ZNF385B: variants seen among roughly 807,000 people sequenced by gnomAD.
ZNF385B encodes zinc finger protein 533.
A neutral mutation model predicts 39.2 loss-of-function variants in ZNF385B; 23 were observed. The ratio of observed to expected loss-of-function variants is 0.59; its 90% CI spans 0.42 to 0.83. The LOEUF is 0.83. Among genes scored for constraint, ZNF385B ranks in the 40% least tolerant of loss-of-function variants. ZNF385B has a pLI of 0.00. For missense variants in ZNF385B, 552 were observed against 598.9 expected (o/e 0.92, Z 0.82); for synonymous variants, 205 against 222.6 (o/e 0.92, Z 0.70).
At chr2:179,630,726 T>G (rs1033191959) in intron 3 of ZNF385B, among the ~76,000 whole-genome samples, 3 of 152,160 alleles carry the variant, frequency 2.0e-5, no homozygotes, top group Admixed American at 6.5e-5. Context: ...TTCTCCGAGC[T>G]AAAGGAGGGT....
rs2060258980 is a variant in ZNF385B, at chr2:179,546,754, T to C, written c.299-1785A>G. ...GGTATATACCCACCTAGCAGTGGGA[T>C]TGTTGGGTCATATGGTAGCCCAACT... On this transcript the variant is annotated intron_variant, in intron 3 of 9. Coordinates refer to ENST00000410066, the MANE Select transcript of ZNF385B (RefSeq NM_152520.6). Among the ~76,000 whole-genome samples, 2 of 133,530 alleles carry C rather than the reference T, an allele frequency of 1.5e-5. 1 individual carries two copies. Among genetic ancestry groups the C allele is most frequent in the South Asian group, 4.9e-4 (2 of 4,078 alleles). 87.6% of individuals were successfully genotyped at this position (133,530 alleles called of 152,430 possible).
intron 1 of ZNF385B, among the ~76,000 whole-genome samples, chr2:179,806,127 C>CA (rs1483814676): frequency 6.6e-6 from 1 of 151,950 alleles, no homozygotes; most frequent in Non-Finnish European, 1.5e-5. Context: ...ATGCCATAAA[C>CA]AATGTTAAAA....
intron 1 of ZNF385B, among the ~76,000 whole-genome samples, chr2:179,820,509 T>C (rs1707338811): frequency 6.6e-6 from 1 of 152,016 alleles, no homozygotes; most frequent in African/African-American, 2.4e-5. Flanking sequence ...CTTAACATAC[T>C]CTTATCTGCC....
chr2:179,623,067 A>G (rs1019807449), intron 3 of ZNF385B, among the ~76,000 whole-genome samples: 6 of 152,220 alleles, frequency 3.9e-5, no homozygotes, highest in African/African-American at 1.2e-4. Context: ...CTTGGCGCTA[A>G]GAAGTTGTGA....
At chr2:179,671,439 T>C (rs1490162365) in intron 3 of ZNF385B, among the ~76,000 whole-genome samples, 1 of 152,152 alleles carries the variant, frequency 6.6e-6, no homozygotes, top group Admixed American at 6.5e-5. Context: ...GAACCTATTA[T>C]ATTGAAAAGC....
At chr2:179,494,866 G>A (rs978677880) in intron 5 of ZNF385B, among the ~76,000 whole-genome samples, 1 of 152,160 alleles carries the variant, frequency 6.6e-6, no homozygotes, top group Non-Finnish European at 1.5e-5. Flanking sequence ...AGGTTTTAAA[G>A]ATATTTCATA....
At chr2:179,497,584 A>G (rs1395489368) in intron 5 of ZNF385B, among the ~76,000 whole-genome samples, 1 of 152,046 alleles carries the variant, frequency 6.6e-6, no homozygotes, top group Non-Finnish European at 1.5e-5. Flanking sequence ...AAAAGGAAGA[A>G]ACTCAATCAT....
intron 1 of ZNF385B, among the ~76,000 whole-genome samples, chr2:179,795,770 A>G (rs1203217182): frequency 1.3e-5 from 2 of 152,180 alleles, no homozygotes; most frequent in African/African-American, 4.8e-5. Context: ...AATAATTAAT[A>G]TCAGAAAGCT....
intron 3 of ZNF385B, among the ~76,000 whole-genome samples, chr2:179,608,299 C>T (rs1187325576): frequency 2.6e-5 from 4 of 151,178 alleles, no homozygotes; most frequent in Non-Finnish European, 5.9e-5. Context: ...ACTTAGTAAT[C>T]CAGAATAGAA....
chr2:179,772,313 T>G (rs969109875), intron 1 of ZNF385B, among the ~76,000 whole-genome samples: 31 of 152,168 alleles, frequency 2.0e-4, no homozygotes, highest in African/African-American at 7.2e-4. Flanking sequence ...TTTTACCTTC[T>G]CCAAGAGTTA....
At chr2:179,735,771 CT>C (rs1701707306) in intron 3 of ZNF385B, among the ~76,000 whole-genome samples, 1 of 150,694 alleles carries the variant, frequency 6.6e-6, no homozygotes, top group African/African-American at 2.4e-5. Context: ...TCTCAGTAAA[CT>C]ATCTCAAGAA....
At chr2:179,545,020 C>T (rs762603061) in intron 3 of ZNF385B, 51 bp from the exon 4 acceptor site, 63 of 1,610,536 alleles carry the variant, frequency 3.9e-5, no homozygotes, top group Non-Finnish European at 9.3e-6. Context: ...ACATCCATCT[C>T]CCTCCCAAAC....
rs114911013 is a variant in ZNF385B at position 179,667,444 on chromosome 2, G to A, written c.298+102059C>T. 6.3e-3 allele frequency among the ~76,000 whole-genome samples: 956 copies of A among 152,114 alleles called. 12 individuals are homozygous for A. Among genetic ancestry groups the A allele is most frequent in the African/African-American group, 0.021 (853 of 41,470 alleles). ...GTAGTTAAGGCAGAATACAAGAAAT[G>A]TGTCCAGTGCTTGCCAGCCCCCAGC... On this transcript the variant is annotated intron_variant, in intron 3 of 9. Coordinates refer to ENST00000410066, the MANE Select transcript of ZNF385B (RefSeq NM_152520.6).
intron 5 of ZNF385B, among the ~76,000 whole-genome samples, chr2:179,507,817 C>T (rs2057361297): frequency 6.6e-6 from 1 of 152,082 alleles, no homozygotes; most frequent in Non-Finnish European, 1.5e-5. Flanking sequence ...TTAAAATTGG[C>T]TAAGGTGATA....
At chr2:179,614,715 C>T (rs1689587757) in intron 3 of ZNF385B, among the ~76,000 whole-genome samples, 1 of 152,170 alleles carries the variant, frequency 6.6e-6, no homozygotes, top group African/African-American at 2.4e-5. Flanking sequence ...CAACCCTACT[C>T]TTAAAAGCTT....
intron 3 of ZNF385B, chr2:179,746,070 A>C (rs1451562078): frequency 1.9e-6 from 2 of 1,036,886 alleles, no homozygotes; most frequent in African/African-American, 3.4e-5. Flanking sequence ...AGGTGGATTT[A>C]TGCTGAGAAA....
intron 3 of ZNF385B, among the ~76,000 whole-genome samples, chr2:179,751,438 T>G (rs2106469263): frequency 6.6e-6 from 1 of 152,282 alleles, no homozygotes; most frequent in Middle Eastern, 3.4e-3. Flanking sequence ...TTAAAGTTCT[T>G]CAAAAATTTC....
intron 3 of ZNF385B, among the ~76,000 whole-genome samples, chr2:179,614,414 G>C (rs1321492846): frequency 6.6e-6 from 1 of 152,114 alleles, no homozygotes; most frequent in Non-Finnish European, 1.5e-5. Context: ...AATTTTCCTA[G>C]ATGACTTTTA....
At chr2:179,780,377 G>C (rs531659430) in intron 1 of ZNF385B, among the ~76,000 whole-genome samples, 1 of 152,122 alleles carries the variant, frequency 6.6e-6, no homozygotes, top group Admixed American at 6.5e-5. Flanking sequence ...GCAGGATGGG[G>C]CCTCCTGACC....
Sources: allele counts gnomAD v4.1 joint callset (sites outside exome capture counted in the v4.1 genomes callset), GRCh38; gene constraint gnomAD v4.1.1; transcripts MANE v1.5; gene names NCBI Gene and HGNC (gene_info 2026-07-23, HGNC 2026-07-21).